Variants in OPCML observed in about 807,000 individuals in gnomAD.
OPCML encodes opioid binding protein/cell adhesion molecule like, also known as opioid-binding protein/cell adhesion molecule.
OPCML carries 13 observed loss-of-function variants against 37.8 expected under a neutral mutation model. The observed-to-expected ratio is 0.34, with a 90% confidence interval of 0.22 to 0.55. The LOEUF is 0.55. Among genes scored for constraint, OPCML ranks in the 20% least tolerant of loss-of-function variants. The pLI is 0.91. For missense variants in OPCML, 341 were observed against 435.6 expected (o/e 0.78, Z 1.93); for synonymous variants, 176 against 168.8 (o/e 1.04, Z -0.33).
intron 4 of OPCML, among the ~76,000 whole-genome samples, chr11:132,479,182 C>CA (rs879900557): frequency 2.6e-5 from 4 of 151,862 alleles, no homozygotes; most frequent in Non-Finnish European, 4.4e-5. Context: ...GTGCATGAGC[C>CA]AAAAAAGGGC....
intron 2 of OPCML, among the ~76,000 whole-genome samples, chr11:132,727,857 C>T (rs904053017): frequency 6.6e-6 from 1 of 152,202 alleles, no homozygotes; most frequent in Admixed American, 6.5e-5. Context: ...TATGACAGCT[C>T]AGCAGTGGCA....
intron 1 of OPCML, among the ~76,000 whole-genome samples, chr11:133,433,060 G>C (rs1216317185): frequency 6.6e-6 from 1 of 151,908 alleles, no homozygotes; most frequent in African/African-American, 2.4e-5. Flanking sequence ...TCCACAGCTG[G>C]AACTAATCTG....
chr11:132,617,362 A>C (rs1371750072), intron 3 of OPCML, among the ~76,000 whole-genome samples: 1 of 152,204 alleles, frequency 6.6e-6, no homozygotes, highest in Non-Finnish European at 1.5e-5. Flanking sequence ...GGCCAGGGAG[A>C]GTCTATTTAC....
chr11:132,497,462 G>C (rs2096235113), intron 4 of OPCML, among the ~76,000 whole-genome samples: 1 of 151,876 alleles, frequency 6.6e-6, no homozygotes, highest in Admixed American at 6.6e-5. Context: ...AAAACAGGCT[G>C]TGGGTACAGG....
intron 1 of OPCML, among the ~76,000 whole-genome samples, chr11:132,964,088 C>A (rs996942381): frequency 2.6e-5 from 4 of 152,140 alleles, no homozygotes; most frequent in African/African-American, 7.2e-5. Flanking sequence ...GAGGGCAAGA[C>A]ACACCTAATG....
chr11:132,477,688 GT>G (rs1202663065), intron 4 of OPCML, among the ~76,000 whole-genome samples: 1 of 152,196 alleles, frequency 6.6e-6, no homozygotes, highest in Non-Finnish European at 1.5e-5. Context: ...ATGAACATAT[GT>G]TTTTCTGGAG....
At chr11:132,426,145 GACA>G (rs2095977020) in intron 7 of OPCML, among the ~76,000 whole-genome samples, 1 of 152,276 alleles carries the variant, frequency 6.6e-6, no homozygotes, top group South Asian at 2.1e-4. Context: ...ACAACACAGT[GACA>G]ACAACAAAAT....
chr11:133,456,822 T>C (rs1204753567), intron 1 of OPCML, among the ~76,000 whole-genome samples: 1 of 151,024 alleles, frequency 6.6e-6, no homozygotes, highest in Non-Finnish European at 1.5e-5. Context: ...ACAGGTGATT[T>C]GAAATCATCA....
intron 1 of OPCML, among the ~76,000 whole-genome samples, chr11:133,474,674 G>A (rs1947196075): frequency 6.6e-6 from 1 of 152,192 alleles, no homozygotes; most frequent in Non-Finnish European, 1.5e-5. Flanking sequence ...GGGCGGGGCT[G>A]GAGGAGCATG....
At chr11:133,003,466 T>C (rs1171145044) in intron 1 of OPCML, among the ~76,000 whole-genome samples, 2 of 152,198 alleles carry the variant, frequency 1.3e-5, no homozygotes, top group Non-Finnish European at 2.9e-5. Context: ...TTTGTAAGGA[T>C]ACAAGTGACT....
At chr11:133,303,219 C>A (rs1942825437) in intron 1 of OPCML, among the ~76,000 whole-genome samples, 1 of 152,054 alleles carries the variant, frequency 6.6e-6, no homozygotes, top group Non-Finnish European at 1.5e-5. Flanking sequence ...AAATATGAGC[C>A]CCCCTGGTGC....
intron 1 of OPCML, chr11:133,005,962 C>A: frequency 1.0e-6 from 1 of 985,406 alleles, no homozygotes; most frequent in Non-Finnish European, 1.2e-6. Flanking sequence ...GCTTCCAGGA[C>A]AAGTTCTAAA....
intron 3 of OPCML, among the ~76,000 whole-genome samples, chr11:132,648,216 A>G (rs1941251865): frequency 6.6e-6 from 1 of 152,156 alleles, no homozygotes; most frequent in South Asian, 2.1e-4. Flanking sequence ...GTGGACATTA[A>G]TCTATCAGGA....
intron 1 of OPCML, chr11:133,360,400 C>G (rs1944386954): frequency 6.6e-6 from 1 of 152,184 alleles, no homozygotes; most frequent in African/African-American, 2.4e-5. Context: ...ATGCAAGGGC[C>G]GACGATGCCC....
At chr11:132,965,247 T>A (rs536275868) in intron 1 of OPCML, among the ~76,000 whole-genome samples, 70 of 152,332 alleles carry the variant, frequency 4.6e-4, no homozygotes, top group Middle Eastern at 6.8e-3. Context: ...TTTCTCTCTC[T>A]CTCTCTTTTT....
intron 1 of OPCML, among the ~76,000 whole-genome samples, chr11:133,273,349 G>A (rs1941904787): frequency 6.6e-6 from 1 of 152,122 alleles, no homozygotes; most frequent in Admixed American, 6.5e-5. Flanking sequence ...CCAAGAGCCA[G>A]TGAGGTGCTG....
chr11:132,841,264 T>C (rs1191101463), intron 2 of OPCML, among the ~76,000 whole-genome samples: 1 of 152,186 alleles, frequency 6.6e-6, no homozygotes, highest in African/African-American at 2.4e-5. Flanking sequence ...TGCAGAAGTT[T>C]ATAATTTCTT....
chr11:133,117,175 G>A (rs1210431663), intron 1 of OPCML, among the ~76,000 whole-genome samples: 1 of 152,092 alleles, frequency 6.6e-6, no homozygotes, highest in East Asian at 1.9e-4. Context: ...TGGCTCCTGT[G>A]TCATTTCAAA....
chr11:132,670,987 TTG>T lies in OPCML; in HGVS notation c.147-13670_147-13669del, dbSNP rs566139925. Among the ~76,000 whole-genome samples, 30 of 152,338 alleles carry T rather than the reference TTG, an allele frequency of 2.0e-4. No individual in the cohort carries two copies. In the South Asian group the frequency reaches 5.8e-3, roughly 29 times the overall value. The stretch of plus-strand genomic sequence containing the variant: ...CTGCCTCAAGTTTAGAAAACAGAAA[TTG>T]TGTGTGTTCAGGTGACTGTGGCTTA... On this transcript the variant is annotated intron_variant, in intron 2 of 7. Coordinates refer to ENST00000524381, the MANE Select transcript of OPCML (RefSeq NM_001012393.5).
Sources: gnomAD v4.1 joint callset for allele counts (sites outside exome capture counted in the v4.1 genomes callset) on GRCh38, gnomAD v4.1.1 for gene constraint, MANE v1.5 for transcripts, NCBI Gene and HGNC (gene_info 2026-07-23, HGNC 2026-07-21) for gene names.